The following AP2B1 variants were observed in gnomAD, a reference collection of about 807,000 sequenced individuals.
AP2B1 encodes the protein AP-2 complex subunit beta.
In AP2B1, 23 loss-of-function variants were observed where a neutral mutation model predicts 102.0. The observed-to-expected ratio is 0.23, with a 90% confidence interval of 0.16 to 0.32. AP2B1 has a LOEUF of 0.32. Ranked by LOEUF, AP2B1 falls within the 10% of genes least tolerant of loss-of-function variation. The probability of loss-of-function intolerance (pLI) is 1.00; values close to 1 mark genes in which losing one functional copy is unlikely to be tolerated. For synonymous variants in AP2B1, 381 were observed against 421.2 expected, an observed-to-expected ratio of 0.90 and a Z score of 1.17; for missense variants, 541 against 1,157.4, an observed-to-expected ratio of 0.47 and a Z score of 7.73.
At chr17:35,631,478 T>TG (rs1450700581) in intron 9 of AP2B1, among the ~76,000 whole-genome samples, 1 of 152,200 alleles carries the variant, frequency 6.6e-6, no homozygotes, top group East Asian at 1.9e-4. Context: ...TCATTGTTTA[T>TG]ATAGTGTTCT....
chr17:35,627,244 G>GAT (rs1598092521), intron 7 of AP2B1, 141 bp from the exon 8 acceptor site: 1 of 478,574 alleles, frequency 2.1e-6, no homozygotes, highest in Non-Finnish European at 3.2e-6. Flanking sequence ...GGAAGTTTAT[G>GAT]CTTTTTTTTT....
intron 14 of AP2B1, chr17:35,660,128 T>A (rs748814797): frequency 3.1e-6 from 3 of 952,814 alleles, no homozygotes; most frequent in Non-Finnish European, 3.7e-6. Flanking sequence ...AAAGATTTTG[T>A]ACAAGAGAGG....
intron 9 of AP2B1, among the ~76,000 whole-genome samples, chr17:35,630,146 G>C (rs2074423736): frequency 6.6e-6 from 1 of 152,104 alleles, no homozygotes; most frequent in South Asian, 2.1e-4. Flanking sequence ...TTCCTAATTG[G>C]CCTTCCTTGT....
chr17:35,712,583 C>T lies in AP2B1; in HGVS notation c.2626+2263C>T, dbSNP rs191595582. Among the ~76,000 whole-genome samples the T allele has an allele frequency of 4.5e-4, 69 of 151,834 alleles. 1 individual carries two copies. In the East Asian group the frequency reaches 0.011, roughly 24 times the overall value. ...GGCGGAGCTTGCAGTGAGCCAAGAT[C>T]GCACCACTGCACTCCAGCCTGGGTG... is the stretch of plus-strand genomic sequence containing the variant. On this transcript the variant is annotated intron_variant, in intron 20 of 21. Transcript: ENST00000610402.
intron 13 of AP2B1, among the ~76,000 whole-genome samples, chr17:35,656,553 G>A (rs1298029922): frequency 6.6e-6 from 1 of 152,118 alleles, no homozygotes; most frequent in African/African-American, 2.4e-5. Context: ...TTTAGTTTCT[G>A]TTCTTTGTTC....
chr17:35,638,405 T>C (rs138810582), intron 10 of AP2B1, among the ~76,000 whole-genome samples: 106 of 152,290 alleles, frequency 7.0e-4, no homozygotes, highest in African/African-American at 2.6e-3. Context: ...CTGAGAGAGC[T>C]GTAGATATGT....
rs541184477 is a variant in AP2B1, at chr17:35,597,027, C to T, written c.38-1203C>T. 6.6e-6 allele frequency: 4 copies of T among 606,452 alleles called. No individual in the cohort carries two copies. In the African/African-American group the frequency reaches 7.4e-5, roughly 11 times the overall value. 37.6% of individuals were successfully genotyped at this position (606,452 alleles called of 1,614,324 possible). ...CACGGTCCAGCTCGGACACAGGTGG[C>T]GGCGAAGCCCCGTTGTGGGGGCCGT... On this transcript the variant is annotated intron_variant, in intron 2 of 21. Coordinates refer to ENST00000610402, the MANE Select transcript of AP2B1 (RefSeq NM_001030006.2).
intron 20 of AP2B1, among the ~76,000 whole-genome samples, chr17:35,712,830 C>T (rs2076478796): frequency 6.6e-6 from 1 of 152,104 alleles, no homozygotes; most frequent in Non-Finnish European, 1.5e-5. Context: ...AATTTAAAAT[C>T]ACAAAATACT....
At chr17:35,645,558 TACAA>T (rs1345018799) in intron 12 of AP2B1, among the ~76,000 whole-genome samples, 42 of 152,228 alleles carry the variant, frequency 2.8e-4, no homozygotes, top group South Asian at 6.2e-4. Context: ...GAGTAAAGAA[TACAA>T]ACAAAGGCCG....
At chr17:35,686,674 A>G (rs2075938784) in intron 18 of AP2B1, among the ~76,000 whole-genome samples, 1 of 152,160 alleles carries the variant, frequency 6.6e-6, no homozygotes, top group African/African-American at 2.4e-5. Flanking sequence ...CAATTATTTA[A>G]GAAAAACTGG....
At chr17:35,686,760 C>T (rs587667944) in intron 18 of AP2B1, among the ~76,000 whole-genome samples, 57 of 152,144 alleles carry the variant, frequency 3.7e-4, no homozygotes, top group African/African-American at 1.3e-3. Flanking sequence ...GTCAGGAGAT[C>T]GAGACCATCC....
chr17:35,643,300 A>T (rs898121247), intron 12 of AP2B1, among the ~76,000 whole-genome samples: 1 of 152,224 alleles, frequency 6.6e-6, no homozygotes, highest in Non-Finnish European at 1.5e-5. Flanking sequence ...GAATGACATT[A>T]TTAGAGCAGC....
intron 5 of AP2B1, among the ~76,000 whole-genome samples, chr17:35,614,449 C>G (rs1402803987): frequency 2.0e-5 from 3 of 152,074 alleles, no homozygotes; most frequent in South Asian, 4.1e-4. Context: ...CTCAGCCTCT[C>G]AAAGTACTGA....
intron 5 of AP2B1, among the ~76,000 whole-genome samples, chr17:35,620,658 A>C (rs1448212829): frequency 5.3e-5 from 8 of 152,104 alleles, no homozygotes; most frequent in Admixed American, 5.2e-4. Flanking sequence ...TAAAAATTTA[A>C]TTAAGAAACT....
intron 3 of AP2B1, among the ~76,000 whole-genome samples, chr17:35,602,956 T>C (rs928934393): frequency 6.6e-6 from 1 of 152,210 alleles, no homozygotes; most frequent in Non-Finnish European, 1.5e-5. Flanking sequence ...GTCTAGGAAA[T>C]AGAAAACACA....
intron 14 of AP2B1, among the ~76,000 whole-genome samples, chr17:35,667,140 G>A (rs1299904465): frequency 2.1e-4 from 32 of 151,946 alleles, no homozygotes; most frequent in Admixed American, 1.7e-3. Flanking sequence ...TGGGTAATTC[G>A]CTTCCATTCC....
intron 17 of AP2B1, among the ~76,000 whole-genome samples, chr17:35,679,459 G>A (rs2075771667): frequency 6.6e-6 from 1 of 151,546 alleles, no homozygotes; most frequent in South Asian, 2.1e-4. Context: ...CTGGGAATGG[G>A]GCTGTCTTCT....
chr17:35,713,244 A>G (rs2076487022), intron 20 of AP2B1, among the ~76,000 whole-genome samples: 2 of 152,234 alleles, frequency 1.3e-5, no homozygotes, highest in Admixed American at 6.5e-5. Flanking sequence ...GGTGCTCCAA[A>G]TACCAATGAA....
chr17:35,645,683 C>T (rs1283436982), intron 12 of AP2B1, among the ~76,000 whole-genome samples: 1 of 152,084 alleles, frequency 6.6e-6, no homozygotes, highest in East Asian at 1.9e-4. Flanking sequence ...AACCCCATCT[C>T]TACTAAAAAT....
Sources: gnomAD v4.1 joint callset for allele counts (sites outside exome capture counted in the v4.1 genomes callset) on GRCh38, gnomAD v4.1.1 for gene constraint, MANE v1.5 for transcripts, NCBI Gene and HGNC (gene_info 2026-07-23, HGNC 2026-07-21) for gene names.